Variants in RB1 observed in about 807,000 individuals in gnomAD.
RB1 encodes the protein RB transcriptional corepressor 1.
In RB1, 18 loss-of-function variants were observed where a neutral mutation model predicts 135.4. That is an observed-to-expected ratio of 0.13 (90% confidence interval 0.09 to 0.20). RB1 has a LOEUF of 0.20. RB1 is among the 10% of genes least tolerant of loss of function. The probability of loss-of-function intolerance (pLI) is 1.00; values close to 1 mark genes in which losing one functional copy is unlikely to be tolerated. For missense variants in RB1, 868 were observed against 1,110.0 expected (o/e 0.78, Z 3.10); for synonymous variants, 365 against 373.2 (o/e 0.98, Z 0.25).
intron 26 of RB1, among the ~76,000 whole-genome samples, chr13:48,478,741 T>A (rs1049784238): frequency 6.6e-6 from 1 of 152,308 alleles, no homozygotes; most frequent in Middle Eastern, 3.4e-3. Flanking sequence ...TCAGCTTTTC[T>A]TAAAGAATTA....
intron 1 of RB1, 47 bp downstream of exon 1, chr13:48,304,096 G>C (rs1037709289): frequency 7.3e-7 from 1 of 1,369,972 alleles, no homozygotes; most frequent in Non-Finnish European, 9.3e-7. Flanking sequence ...GGGCGCCCCG[G>C]GTGTGCGTAG....
intron 17 of RB1, chr13:48,411,745 C>G: frequency 6.2e-7 from 1 of 1,609,774 alleles, no homozygotes; most frequent in Non-Finnish European, 8.5e-7. Context: ...ATTTTTAAAA[C>G]CTTAGTTTTG....
intron 17 of RB1, among the ~76,000 whole-genome samples, chr13:48,439,187 A>C (rs1167072535): frequency 6.6e-6 from 1 of 152,220 alleles, no homozygotes; most frequent in African/African-American, 2.4e-5. Context: ...TCAGCCATAT[A>C]ATATGGGGCA....
At position 48,453,207 on chromosome 13, in the gene RB1, G is replaced by T. The variant is rs929686249; in HGVS notation, c.1814+96G>T. 1.3e-4 allele frequency: 159 copies of T among 1,196,240 alleles called. 1 individual carries two copies. Among genetic ancestry groups the T allele is most frequent in the Non-Finnish European group, 3.2e-5 (26 of 816,238 alleles). The allele number at this position is 1,196,240 out of a possible 1,614,324, so 74.1% of individuals were successfully genotyped here. ...TTCTATAAAGAAACTGTAGGGAATA[G>T]AATTTTGAATAAGAATAGTTTCTGT... On this transcript the variant is annotated intron_variant, in intron 18 of 26. Coordinates refer to ENST00000267163, the MANE Select transcript of RB1 (RefSeq NM_000321.3).
At chr13:48,458,361 C>T (rs1246661964) in intron 19 of RB1, among the ~76,000 whole-genome samples, 1 of 152,098 alleles carries the variant, frequency 6.6e-6, no homozygotes, top group African/African-American at 2.4e-5. Flanking sequence ...TAGTGCATAT[C>T]CACTTGGAGC....
At position 48,319,739 on chromosome 13, in the gene RB1, A is replaced by G. The variant is rs1234524133; in HGVS notation, c.264+12333A>G. On this transcript the variant is annotated intron_variant, in intron 2 of 26. Transcript: ENST00000267163. The surrounding 1 kb of genome is among the most constrained non-coding windows in gnomAD (Gnocchi z 5.0). ...AATTTTCGTTTGGGTCTGGTTTTTT[A>G]TCTATTGACCCCATCACATTTTTGG... 1.1e-5 allele frequency: 3 copies of G among 264,252 alleles called. No homozygotes were observed. Among genetic ancestry groups the G allele is most frequent in the Non-Finnish European group, 1.6e-5 (2 of 127,792 alleles). 16.4% of individuals were successfully genotyped at this position (264,252 alleles called of 1,614,324 possible). A position where few individuals can be genotyped will look rare whatever the true frequency, so the allele number is the denominator to read the frequency against.
intron 17 of RB1, chr13:48,389,496 A>G (rs1948595742): frequency 1.3e-5 from 2 of 152,204 alleles, no homozygotes; most frequent in Non-Finnish European, 2.9e-5. Context: ...TATTTTTTAA[A>G]TCAGAAAGGT....
chr13:48,333,252 CAT>C (rs1952352416), intron 2 of RB1: 7 of 390,364 alleles, frequency 1.8e-5, no homozygotes, highest in Non-Finnish European at 2.7e-5. Flanking sequence ...TGAAACAGCA[CAT>C]GTCATATTTG....
intron 17 of RB1, among the ~76,000 whole-genome samples, chr13:48,435,906 A>G (rs1949178499): frequency 1.3e-5 from 2 of 152,234 alleles, no homozygotes; most frequent in South Asian, 2.1e-4. Context: ...AACTAATTAT[A>G]TTAATAATTG....
Position 48,303,762 on chromosome 13 carries a change from G to C in RB1, c.-151G>C, listed in dbSNP as rs903923688. 6.5e-6 allele frequency: 8 copies of C among 1,223,032 alleles called. No individual in the cohort carries two copies. The highest frequency in any genetic ancestry group is 3.2e-5 in the East Asian group (1 of 31,744). The allele number at this position is 1,223,032 out of a possible 1,614,324, so 75.8% of individuals were successfully genotyped here. On this transcript the variant is annotated 5_prime_UTR_variant, in exon 1 of 27. Coordinates refer to ENST00000267163, the MANE Select transcript of RB1 (RefSeq NM_000321.3). Reference sequence around the variant, plus strand: ...TGGACGCGGCGCTCAGTTGCCGGGCGGGGGAGGGCGCGTCCGGTTTTTCTC... The same window carrying C: ...TGGACGCGGCGCTCAGTTGCCGGGCCGGGGAGGGCGCGTCCGGTTTTTCTC...
At chr13:48,361,019 T>G (rs1013899745) in intron 7 of RB1, among the ~76,000 whole-genome samples, 1 of 152,094 alleles carries the variant, frequency 6.6e-6, no homozygotes, top group Non-Finnish European at 1.5e-5. Flanking sequence ...TGAAGATGTG[T>G]TGAACATGGT....
At chr13:48,475,997 T>C (rs1949501822) in intron 24 of RB1, among the ~76,000 whole-genome samples, 1 of 152,226 alleles carries the variant, frequency 6.6e-6, no homozygotes, top group Admixed American at 6.5e-5. Context: ...AAGCTGATAA[T>C]TTAAAATATT....
At chr13:48,337,382 AT>A (rs1462313180) in intron 2 of RB1, among the ~76,000 whole-genome samples, 1 of 152,180 alleles carries the variant, frequency 6.6e-6, no homozygotes, top group Non-Finnish European at 1.5e-5. Context: ...GTGCATATAT[AT>A]TTAGGATAGT....
intron 23 of RB1, among the ~76,000 whole-genome samples, chr13:48,472,895 A>G (rs965633660): frequency 3.9e-5 from 6 of 152,192 alleles, no homozygotes; most frequent in African/African-American, 1.4e-4. Context: ...AGACTAATAA[A>G]GATTTCTGAC....
intron 1 of RB1, 74 bp downstream of exon 1, chr13:48,304,123 G>T: frequency 7.6e-7 from 1 of 1,316,582 alleles, no homozygotes; most frequent in Non-Finnish European, 9.6e-7. Flanking sequence ...CGCCAAGGCG[G>T]CTCGGCGGGG....
At chr13:48,348,508 C>G (rs1311964044) in intron 5 of RB1, among the ~76,000 whole-genome samples, 2 of 151,684 alleles carry the variant, frequency 1.3e-5, no homozygotes, top group African/African-American at 4.8e-5. Flanking sequence ...CTTCATTTTT[C>G]TGCTCACAGT....
At chr13:48,426,807 T>C (rs1566221614) in intron 17 of RB1, 1 of 152,228 alleles carries the variant, frequency 6.6e-6, no homozygotes, top group African/African-American at 2.4e-5. Flanking sequence ...TGTAAAGAAA[T>C]ACCTGAGACT....
intron 7 of RB1, among the ~76,000 whole-genome samples, chr13:48,361,253 T>C (rs1952636814): frequency 6.6e-6 from 1 of 152,146 alleles, no homozygotes; most frequent in African/African-American, 2.4e-5. Flanking sequence ...AATTCAAATG[T>C]ACATGTGAAT....
intron 7 of RB1, chr13:48,360,391 C>A: frequency 2.3e-6 from 1 of 439,818 alleles, no homozygotes; most frequent in Non-Finnish European, 3.7e-6. Context: ...CTGTGGAAGA[C>A]CAAAGAATAC....
Sources: gnomAD v4.1 joint callset for allele counts (sites outside exome capture counted in the v4.1 genomes callset) on GRCh38, gnomAD v4.1.1 for gene constraint, Gnocchi (gnomAD v3.1) non-coding constraint, MANE v1.5 for transcripts, NCBI Gene and HGNC (gene_info 2026-07-23, HGNC 2026-07-21) for gene names.